KCNQ3: variants seen among roughly 807,000 people sequenced by gnomAD.
The protein encoded by KCNQ3 is potassium voltage-gated channel subfamily Q member 3.
In KCNQ3, 30 loss-of-function variants were observed where a neutral mutation model predicts 92.5. The ratio of observed to expected loss-of-function variants is 0.32; its 90% CI spans 0.24 to 0.44. KCNQ3 has a LOEUF of 0.44. Ranked by LOEUF, KCNQ3 falls within the 20% of genes least tolerant of loss-of-function variation. The pLI is 1.00. For synonymous variants in KCNQ3, 450 were observed against 468.8 expected, an observed-to-expected ratio of 0.96 and a Z score of 0.52; for missense variants, 913 against 1,140.3, an observed-to-expected ratio of 0.80 and a Z score of 2.87.
intron 1 of KCNQ3, among the ~76,000 whole-genome samples, chr8:132,400,630 T>C (rs1820308804): frequency 6.6e-6 from 1 of 152,216 alleles, no homozygotes; most frequent in Admixed American, 6.5e-5. Flanking sequence ...AAGCAGCAGA[T>C]GTGCTCTCTG....
At chr8:132,380,005 A>T (rs1819703714) in intron 1 of KCNQ3, among the ~76,000 whole-genome samples, 1 of 151,970 alleles carries the variant, frequency 6.6e-6, no homozygotes. Context: ...ACCACAATGT[A>T]TAGATATACA....
chr8:132,212,951 C>T (rs1414231972), intron 1 of KCNQ3, among the ~76,000 whole-genome samples: 1 of 152,204 alleles, frequency 6.6e-6, no homozygotes, highest in African/African-American at 2.4e-5. Context: ...GCACTTCTTC[C>T]AGTCACACCA....
intron 1 of KCNQ3, among the ~76,000 whole-genome samples, chr8:132,304,342 A>T (rs1235148928): frequency 1.3e-5 from 2 of 152,330 alleles, no homozygotes; most frequent in African/African-American, 2.4e-5. Context: ...GTATAGCCTT[A>T]AAAAAATGAA....
intron 8 of KCNQ3, among the ~76,000 whole-genome samples, chr8:132,169,112 C>T (rs7008599): frequency 0.032 from 4,889 of 152,188 alleles, 283 homozygotes; most frequent in African/African-American, 0.11. Flanking sequence ...AGTGTCAGAG[C>T]CTGACTCTGC....
chr8:132,155,499 G>A (rs1222703607), intron 9 of KCNQ3, among the ~76,000 whole-genome samples: 1 of 152,156 alleles, frequency 6.6e-6, no homozygotes, highest in Admixed American at 6.5e-5. Flanking sequence ...CCATGGGCCA[G>A]GCTCTATTCT....
rs767162004 is a variant in KCNQ3, at chr8:132,134,354, T to A, written c.1735A>T (p.Thr579Ser). Residue 579 changes from threonine (T) to serine (S), a missense_variant, in exon 13 of 15, where the codon ACG becomes TCG. Coordinates refer to ENST00000388996, the MANE Select transcript of KCNQ3 (RefSeq NM_004519.4). ...TTCTGAGACTTCTTGTGTTTTGGCG[T>A]GGAGGGAGGTCCAGGGGTGAAAATC... ...DMIFTPGPPS[T>S]PKHKKSQKGS... The A allele has an allele frequency of 6.2e-7, 1 of 1,613,902 alleles. No homozygotes were observed. The highest frequency in any genetic ancestry group is 2.2e-5 in the East Asian group (1 of 44,856).
chr8:132,201,221 T>C (rs1827448466), intron 1 of KCNQ3, among the ~76,000 whole-genome samples: 1 of 152,226 alleles, frequency 6.6e-6, no homozygotes, highest in African/African-American at 2.4e-5. Context: ...GGGATTACAT[T>C]TCCCAAACAA....
At chr8:132,294,000 G>GT (rs386414036) in intron 1 of KCNQ3, among the ~76,000 whole-genome samples, 10,396 of 123,980 alleles carry the variant, frequency 0.084, 703 homozygotes, top group South Asian at 0.16. Context: ...TGTGTGTGTG[G>GT]TTTTTTTTTT....
chr8:132,301,146 C>T (rs1229060045), intron 1 of KCNQ3, among the ~76,000 whole-genome samples: 1 of 152,150 alleles, frequency 6.6e-6, no homozygotes, highest in Non-Finnish European at 1.5e-5. Context: ...TGTTCTGTGG[C>T]AGGTAAACAC....
At chr8:132,342,830 A>G (rs550625264) in intron 1 of KCNQ3, among the ~76,000 whole-genome samples, 2 of 152,358 alleles carry the variant, frequency 1.3e-5, no homozygotes, top group African/African-American at 4.8e-5. Context: ...AAACATCTAA[A>G]CATCACTGAA....
intron 1 of KCNQ3, among the ~76,000 whole-genome samples, chr8:132,207,960 G>A (rs917909685): frequency 6.0e-5 from 9 of 149,726 alleles, no homozygotes; most frequent in Non-Finnish European, 1.2e-4. Flanking sequence ...CATCACACCA[G>A]CATTAGCATG....
chr8:132,157,163 G>A (rs1825822535), intron 9 of KCNQ3, among the ~76,000 whole-genome samples: 1 of 152,156 alleles, frequency 6.6e-6, no homozygotes, highest in South Asian at 2.1e-4. Context: ...TAGCAAATGA[G>A]GGCTTGGTGA....
In KCNQ3 at chr8:132,127,100, G is replaced by T. The variant is rs911192214; in HGVS notation, c.*2162C>A. 1 of 152,156 alleles carries T rather than the reference G, an allele frequency of 6.6e-6. No individual in the cohort carries two copies. The highest frequency in any genetic ancestry group is 2.4e-5 in the African/African-American group (1 of 41,436). The allele number at this position is 152,156 out of a possible 1,614,324, so 9.4% of individuals were successfully genotyped here. On this transcript the variant is annotated 3_prime_UTR_variant, in exon 15 of 15. Coordinates refer to ENST00000388996, the MANE Select transcript of KCNQ3 (RefSeq NM_004519.4). ...TCAAGCCCTCAGGAAGGGGCATAGG[G>T]TTTCTTAGGTTGTAATCCCCACTGG...
At chr8:132,186,964 G>C (rs1009990722) in intron 1 of KCNQ3, among the ~76,000 whole-genome samples, 34 of 125,606 alleles carry the variant, frequency 2.7e-4, no homozygotes, top group African/African-American at 6.8e-4. Context: ...GACAGAGAGA[G>C]AGAGAGAGAG....
Position 132,346,926 on chromosome 8 carries a change from A to T in KCNQ3, c.386+133221T>A, listed in dbSNP as rs143698701. 4.4e-3 allele frequency among the ~76,000 whole-genome samples: 676 copies of T among 152,314 alleles called. 3 individuals are homozygous for T. Among genetic ancestry groups the T allele is most frequent in the African/African-American group, 0.014 (595 of 41,570 alleles). ...TGGAGACACTAGGGAGGGAGAATAT[A>T]GTATAGACTAGGCTAAAGTGGAGGG... On this transcript the variant is annotated intron_variant, in intron 1 of 14. Transcript: ENST00000388996.
chr8:132,455,664 C>T (rs1287739927), intron 1 of KCNQ3, among the ~76,000 whole-genome samples: 2 of 152,240 alleles, frequency 1.3e-5, no homozygotes, highest in Non-Finnish European at 2.9e-5. Context: ...TCTCATTGTG[C>T]CCAGCACTTG....
chr8:132,202,702 T>C (rs542091018), intron 1 of KCNQ3, among the ~76,000 whole-genome samples: 2 of 152,300 alleles, frequency 1.3e-5, no homozygotes, highest in African/African-American at 4.8e-5. Flanking sequence ...TGTTCCTCAT[T>C]TTCACATAAG....
At chr8:132,340,300 A>T (rs182570384) in intron 1 of KCNQ3, among the ~76,000 whole-genome samples, 1 of 152,198 alleles carries the variant, frequency 6.6e-6, no homozygotes, top group Non-Finnish European at 1.5e-5. Flanking sequence ...TACTATAAGG[A>T]CGCATGCACA....
At chr8:132,394,928 T>C (rs1820154280) in intron 1 of KCNQ3, among the ~76,000 whole-genome samples, 2 of 152,190 alleles carry the variant, frequency 1.3e-5, no homozygotes, top group African/African-American at 2.4e-5. Flanking sequence ...CAACTCCAGC[T>C]GCGTCGGATG....
Sources: gnomAD v4.1 joint callset for allele counts (sites outside exome capture counted in the v4.1 genomes callset) on GRCh38, gnomAD v4.1.1 for gene constraint, MANE v1.5 for transcripts, NCBI Gene and HGNC (gene_info 2026-07-23, HGNC 2026-07-21) for gene names.